The following CCNH variants were observed in gnomAD, a reference collection of about 807,000 sequenced individuals.
The protein encoded by CCNH is cyclin-H.
In CCNH, 31 loss-of-function variants were observed where a neutral mutation model predicts 41.9. The ratio of observed to expected loss-of-function variants is 0.74; its 90% CI spans 0.56 to 1.00. The LOEUF (loss-of-function observed/expected upper bound fraction) is 1.00, where lower values mean the gene tolerates loss of function less well. CCNH is among the 50% of genes least tolerant of loss of function. The pLI, the probability that CCNH is intolerant of heterozygous loss-of-function variation, is 0.00. For missense variants in CCNH, 362 were observed against 388.4 expected, an observed-to-expected ratio of 0.93 and a Z score of 0.57; for synonymous variants, 138 against 136.1, an observed-to-expected ratio of 1.01 and a Z score of -0.10.
intron 9 of CCNH, among the ~76,000 whole-genome samples, chr5:87,354,703 A>G (rs964186559): frequency 6.6e-6 from 1 of 152,202 alleles, no homozygotes; most frequent in African/African-American, 2.4e-5. Context: ...GATTAAGCTT[A>G]GGGAGGCATG....
intron 9 of CCNH, among the ~76,000 whole-genome samples, chr5:87,353,709 G>A (rs1255404035): frequency 6.6e-6 from 1 of 152,140 alleles, no homozygotes; most frequent in Admixed American, 6.6e-5. Context: ...TAGTAGTAAA[G>A]AGGAGAGTGA....
chr5:87,386,793 T>A, downstream of CCNH: 1 of 1,579,338 alleles, frequency 6.3e-7, no homozygotes. Context: ...GGTTTGTTTC[T>A]GGTGCATATA....
At chr5:87,362,462 G>A (rs1049917206) in intron 9 of CCNH, 25 of 1,318,740 alleles carry the variant, frequency 1.9e-5, no homozygotes, top group Admixed American at 3.8e-5. Flanking sequence ...TATTTTAAGC[G>A]CTTTGGCTTT....
chr5:87,402,323 C>A (rs1763478990), intron 5 of CCNH, among the ~76,000 whole-genome samples: 1 of 152,108 alleles, frequency 6.6e-6, no homozygotes, highest in African/African-American at 2.4e-5. Context: ...GCATCAAGTC[C>A]AAATCAAAGG....
At chr5:87,316,559 C>G (rs1214032530), downstream of CCNH, among the ~76,000 whole-genome samples, 1 of 152,140 alleles carries the variant, frequency 6.6e-6, no homozygotes, top group Non-Finnish European at 1.5e-5. Context: ...ATCTAAATAT[C>G]TTTCTTCTCT....
At chr5:87,407,314 CTG>C (rs1296142428) in intron 4 of CCNH, among the ~76,000 whole-genome samples, 1 of 152,138 alleles carries the variant, frequency 6.6e-6, no homozygotes, top group Non-Finnish European at 1.5e-5. Context: ...AAAGTTGAGA[CTG>C]TTCCTGTCCT....
intron 9 of CCNH, among the ~76,000 whole-genome samples, chr5:87,332,962 T>A (rs984714402): frequency 6.6e-6 from 1 of 152,148 alleles, no homozygotes; most frequent in African/African-American, 2.4e-5. Flanking sequence ...GATTCTGAAA[T>A]GCCTTGTGTA....
rs987990744 is a variant in CCNH at position 87,394,574 on chromosome 5, C to T, written c.934-90G>A. On this transcript the variant is annotated intron_variant, in intron 8 of 8. Transcript: ENST00000256897. Reference sequence around the variant, plus strand: ...CCTCCCTTTAAGAAAATGTTCTCCTCCTTTTACCCATGTGGATTACAAAAG... The same window carrying T: ...CCTCCCTTTAAGAAAATGTTCTCCTTCTTTTACCCATGTGGATTACAAAAG... The T allele has an allele frequency of 2.5e-6, 4 of 1,580,588 alleles. No individual in the cohort carries two copies. The African/African-American group carries it at 5.5e-5, about 22-fold the overall frequency.
At chr5:87,391,307 G>T (rs191725379), downstream of CCNH, 20 of 342,836 alleles carry the variant, frequency 5.8e-5, no homozygotes, top group East Asian at 7.6e-4. Context: ...TAACTGGATT[G>T]CAGACTGTTC....
chr5:87,321,495 G>T (rs1338074185), intron 9 of CCNH, among the ~76,000 whole-genome samples: 1 of 152,170 alleles, frequency 6.6e-6, no homozygotes, highest in East Asian at 1.9e-4. Flanking sequence ...TTCGAGTTGG[G>T]GTTTCCACAA....
intron 4 of CCNH, among the ~76,000 whole-genome samples, chr5:87,407,573 CTAGTTT>C (rs1041841483): frequency 3.3e-5 from 5 of 152,148 alleles, no homozygotes; most frequent in African/African-American, 9.7e-5. Flanking sequence ...TAGCAATCTT[CTAGTTT>C]AAGAATTTTT....
chr5:87,389,784 T>A (rs1440893808), downstream of CCNH, among the ~76,000 whole-genome samples: 6 of 152,224 alleles, frequency 3.9e-5, no homozygotes, highest in African/African-American at 1.4e-4. Context: ...AATAACACTT[T>A]GGTAGCATGT....
At chr5:87,390,892 G>A (rs886060845), downstream of CCNH, 37 of 1,601,776 alleles carry the variant, frequency 2.3e-5, no homozygotes, top group South Asian at 4.4e-5. Context: ...AGCAGCCTTC[G>A]CCCCAGTGTT....
At chr5:87,407,530 T>TA (rs752002799) in intron 4 of CCNH, among the ~76,000 whole-genome samples, 7 of 152,228 alleles carry the variant, frequency 4.6e-5, no homozygotes, top group Non-Finnish European at 4.4e-5. Context: ...CATAGTGACT[T>TA]AAGTTCACAA....
chr5:87,376,551 AGT>A, exon 1 of CCNH: 1 of 1,613,836 alleles, frequency 6.2e-7, no homozygotes, highest in Non-Finnish European at 8.5e-7. Context: ...AGAAGAGTAC[AGT>A]GAATTTAAAG....
chr5:87,399,249 T>C (rs905730733), intron 7 of CCNH, 145 bp downstream of exon 7: 1 of 664,422 alleles, frequency 1.5e-6, no homozygotes, highest in African/African-American at 1.8e-5. Context: ...TTAATCTCAT[T>C]AGAAATGTCC....
chr5:87,378,625 ATATAT>A (rs1761487006), upstream of CCNH: 5 of 1,342,530 alleles, frequency 3.7e-6, no homozygotes, highest in African/African-American at 7.3e-5. Flanking sequence ...TTTAAGGAAA[ATATAT>A]TAAATTTCTA....
chr5:87,377,314 G>C, upstream of CCNH: 1 of 454,150 alleles, frequency 2.2e-6, no homozygotes, highest in Non-Finnish European at 4.0e-6. Context: ...TGACTGTTTG[G>C]CATATTTATC....
chr5:87,392,268 GA>G (rs201125136), downstream of CCNH: 13 of 451,162 alleles, frequency 2.9e-5, no homozygotes, highest in Admixed American at 7.1e-5. Flanking sequence ...TAAAATACAG[GA>G]AAAAAAAATG....
Sources: gnomAD v4.1 joint callset for allele counts (sites outside exome capture counted in the v4.1 genomes callset) on GRCh38, gnomAD v4.1.1 for gene constraint, MANE v1.5 for transcripts, NCBI Gene and HGNC (gene_info 2026-07-23, HGNC 2026-07-21) for gene names.